The following BEX5 variants were observed in gnomAD, a reference collection of about 807,000 sequenced individuals.
The protein encoded by BEX5 is protein BEX5.
In BEX5, 2 loss-of-function variants were observed where a neutral mutation model predicts 1.4. The ratio of observed to expected loss-of-function variants is 1.42; its 90% CI spans 0.58 to 4.47. BEX5 has a LOEUF of 4.47. BEX5 is among the 30% of genes most tolerant of loss of function. BEX5 has a pLI of 0.06. For missense variants in BEX5, 97 were observed against 87.3 expected, an observed-to-expected ratio of 1.11 and a Z score of -0.44; for synonymous variants, 32 against 30.0, an observed-to-expected ratio of 1.07 and a Z score of -0.21.
Position 102,155,949 on chromosome X carries a change from C to T in BEX5, c.-195G>A, listed in dbSNP as rs1000140685. On this transcript the variant is annotated 5_prime_UTR_variant, in exon 1 of 3. The change creates a new upstream start codon in the 5' untranslated region. Coordinates refer to ENST00000333643, the MANE Select transcript of BEX5 (RefSeq NM_001012978.3). ...TTCAGGGCAACAGCGAGCCGTCACA[C>T]GGCCAGCGACAACTACCAGACTGCA... is the stretch of plus-strand genomic sequence containing the variant. 1 of 112,496 alleles carries T rather than the reference C, an allele frequency of 8.9e-6. No individual in the cohort carries two copies. Among genetic ancestry groups the T allele is most frequent in the African/African-American group, 3.2e-5 (1 of 30,926 alleles). 9.3% of individuals were successfully genotyped at this position (112,496 alleles called of 1,213,427 possible). A position where few individuals can be genotyped will look rare whatever the true frequency, so the allele number is the denominator to read the frequency against.
Position 102,153,845 on chromosome X carries a change from G to C in BEX5, c.*85C>G. The stretch of plus-strand genomic sequence containing the variant: ...AATCTCCAATCAGAAAATTGCAGAA[G>C]AATGCCAAAAGGTTCACATTAAAGG... On this transcript the variant is annotated 3_prime_UTR_variant, in exon 3 of 3. Transcript: ENST00000333643. 3.5e-6 allele frequency: 3 copies of C among 863,161 alleles called. No individual in the cohort carries two copies. The highest frequency in any genetic ancestry group is 3.0e-5 in the South Asian group (1 of 32,913). 71.1% of individuals were successfully genotyped at this position (863,161 alleles called of 1,213,427 possible).
chrX:102,155,230 G>A (rs1933238389), intron 1 of BEX5, among the ~76,000 whole-genome samples: 1 of 111,616 alleles, frequency 9.0e-6, no homozygotes, highest in Non-Finnish European at 1.9e-5. Context: ...TGGACGATGA[G>A]TGAAGAGGTA....
chrX:102,155,758 T>G (rs1933245360), intron 1 of BEX5, 101 bp downstream of exon 1: 1 of 112,459 alleles, frequency 8.9e-6, no homozygotes, highest in Non-Finnish European at 1.9e-5. Context: ...GCTCCATTTC[T>G]CGCACTAAAC....
intron 1 of BEX5, among the ~76,000 whole-genome samples, 191 bp from the exon 2 acceptor site, chrX:102,155,001 A>T (rs1933235414): frequency 9.0e-6 from 1 of 110,934 alleles, no homozygotes; most frequent in Admixed American, 9.5e-5. Context: ...TATTTCCAAA[A>T]CGTTTTAACC....
intron 1 of BEX5, 131 bp downstream of exon 1, chrX:102,155,728 G>T (rs1217085029): frequency 1.8e-5 from 2 of 112,116 alleles, no homozygotes; most frequent in Non-Finnish European, 3.8e-5. Context: ...CAGCCCCCTC[G>T]GGAGATCCTC....
Position 102,154,294 on chromosome X carries a change from T to A in BEX5, c.-29A>T. On this transcript the variant is annotated 5_prime_UTR_variant, in exon 3 of 3. Transcript: ENST00000333643. The stretch of plus-strand genomic sequence containing the variant: ...GAGTTTTTTTCCTGTTTTTTTTTTT[T>A]TTTTCTTCCTAGAAGATAAAAAGCA... 9.1e-7 allele frequency: 1 copy of A among 1,104,184 alleles called. No individual in the cohort carries two copies. The highest frequency in any genetic ancestry group is 1.9e-5 in the African/African-American group (1 of 53,162). The allele number at this position is 1,104,184 out of a possible 1,213,427, so 91.0% of individuals were successfully genotyped here.
At position 102,154,232 on chromosome X, in the gene BEX5, C is replaced by G. The variant is rs1173742442; in HGVS notation, c.34G>C (p.Glu12Gln). 8.5e-7 allele frequency: 1 copy of G among 1,179,119 alleles called. No individual in the cohort carries two copies. Among genetic ancestry groups the G allele is most frequent in the Non-Finnish European group, 1.1e-6 (1 of 879,903 alleles). The change falls in exon 3 of 3, where the codon GAG (glutamate) becomes CAG (glutamine). Residue 12 changes from glutamate (E) to glutamine (Q), a missense_variant. By Grantham distance (29) the Glu-to-Gln change is conservative. Transcript: ENST00000333643. ...ENVPKENKVV[E>Q]KAPVQNEAPA... ...GCTTCATTCTGCACTGGGGCCTTCT[C>G]CACAACTTTGTTTTCCTTGGGGACA... is the stretch of plus-strand genomic sequence containing the variant.
chrX:102,154,245 T>C lies in BEX5; in HGVS notation c.21A>G (p.Glu7=), dbSNP rs199854836. Residue 7 remains glutamate (E), a synonymous_variant, in exon 3 of 3, where the codon GAA becomes GAG. Transcript: ENST00000333643. Reference sequence around the variant, plus strand: ...CTGGGGCCTTCTCCACAACTTTGTTTTCCTTGGGGACATTTTCCATGTTGA... The same window carrying C: ...CTGGGGCCTTCTCCACAACTTTGTTCTCCTTGGGGACATTTTCCATGTTGA... MENVPK[E]NKVVEKAPVQ... is the part of the protein sequence containing the mutation. 1.2e-5 allele frequency: 14 copies of C among 1,168,672 alleles called. No homozygotes were observed. Among genetic ancestry groups the C allele is most frequent in the Non-Finnish European group, 1.6e-5 (14 of 875,829 alleles).
intron 1 of BEX5, 191 bp downstream of exon 1, chrX:102,155,668 G>A (rs1437098949): frequency 1.8e-5 from 2 of 112,072 alleles, no homozygotes; most frequent in Non-Finnish European, 3.8e-5. Flanking sequence ...ATCAGACATT[G>A]CCCGATGGCC....
rs1556369715 is a variant in BEX5, at chrX:102,154,176, C to T, written c.90G>A (p.Glu30=). The T allele has an allele frequency of 4.1e-6, 5 of 1,211,192 alleles. No individual in the cohort carries two copies. In the East Asian group the frequency reaches 8.9e-5, roughly 21 times the overall value. The change falls in exon 3 of 3, where the codon GAG becomes GAA. Residue 30 remains glutamate (E), a synonymous_variant. Transcript: ENST00000333643. ...AAACCCCTTTAACATTTCCTCCAGG[C>T]TCCTGGTATTCACCACCTCCTAAAG... The part of the protein sequence containing the change: ...APALGGGEYQ[E]PGGNVKGVWA...
intron 1 of BEX5, 158 bp downstream of exon 1, chrX:102,155,701 G>T (rs1933244634): frequency 8.9e-6 from 1 of 111,940 alleles, no homozygotes; most frequent in African/African-American, 3.2e-5. Context: ...GATCTCAAAT[G>T]GTACCCATTC....
rs938675112 is a variant in BEX5 at position 102,154,568 on chromosome X, G to A, written c.-38+176C>T. Among the ~76,000 whole-genome samples the A allele has an allele frequency of 3.9e-5, 4 of 103,080 alleles. No homozygotes were observed. In the East Asian group the frequency reaches 1.2e-3, roughly 32 times the overall value. The allele number at this position is 103,080 out of a possible 115,157, so 89.5% of individuals were successfully genotyped here. On this transcript the variant is annotated intron_variant, in intron 2 of 2. Transcript: ENST00000333643. ...GGATCCTAATAAGCTCTCCAGGAGCGCCCCAGATCTCGCCCCTCTACTCCC... is the reference window on the plus strand; with the variant it reads ...GGATCCTAATAAGCTCTCCAGGAGCACCCCAGATCTCGCCCCTCTACTCCC...
chrX:102,154,216 T>C lies in BEX5; in HGVS notation c.50A>G (p.Gln17Arg). ...ACCTCCTAAAGCGGGGGCTTCATTCTGCACTGGGGCCTTCTCCACAACTTT... is the reference window on the plus strand; with the variant it reads ...ACCTCCTAAAGCGGGGGCTTCATTCCGCACTGGGGCCTTCTCCACAACTTT... The part of the protein sequence containing the change: ...ENKVVEKAPV[Q>R]NEAPALGGGE... Residue 17 changes from glutamine to arginine, a missense_variant, in exon 3 of 3, where the codon CAG (glutamine) becomes CGG (arginine). Coordinates refer to ENST00000333643, the MANE Select transcript of BEX5 (RefSeq NM_001012978.3). 1 of 1,200,696 alleles carries C rather than the reference T, an allele frequency of 8.3e-7. No homozygotes were observed.
chrX:102,154,400 G>A (rs1556369841), intron 2 of BEX5, 98 bp from the exon 3 acceptor site: 1 of 560,513 alleles, frequency 1.8e-6, no homozygotes, highest in Non-Finnish European at 2.7e-6. Flanking sequence ...TATGAACCCT[G>A]TAGGGGGCGC....
Position 102,154,073 on chromosome X carries a change from C to T in BEX5, c.193G>A (p.Gly65Arg). The T allele has an allele frequency of 1.7e-6, 2 of 1,210,397 alleles. No individual in the cohort carries two copies. Among genetic ancestry groups the T allele is most frequent in the Non-Finnish European group, 2.2e-6 (2 of 895,262 alleles). ...TCCATGAACCGTTCCATATCATCTC[C>T]ATCTCCATCTATCATATCAATGTTA... ...VDNIDMIDGDGDDMERFMEEM... is the reference protein window; with the variant it reads ...VDNIDMIDGDRDDMERFMEEM... The change falls in exon 3 of 3, where the codon GGA becomes AGA. Residue 65 changes from glycine to arginine, a missense_variant. Transcript: ENST00000333643.
At position 102,154,068 on chromosome X, in the gene BEX5, A is replaced by G. The variant is rs782677993; in HGVS notation, c.198T>C (p.Asp66=). ...DNIDMIDGDG[D]DMERFMEEMR... is the part of the protein sequence containing the mutation. Reference sequence around the variant, plus strand: ...TCTCCTCCATGAACCGTTCCATATCATCTCCATCTCCATCTATCATATCAA... The same window carrying G: ...TCTCCTCCATGAACCGTTCCATATCGTCTCCATCTCCATCTATCATATCAA... The change falls in exon 3 of 3, where the codon GAT becomes GAC. Residue 66 remains aspartate, a synonymous_variant. Transcript: ENST00000333643. 2 of 1,206,661 alleles carry G rather than the reference A, an allele frequency of 1.7e-6. No individual in the cohort carries two copies. The highest frequency in any genetic ancestry group is 2.2e-6 in the Non-Finnish European group (2 of 894,365).
At position 102,154,202 on chromosome X, in the gene BEX5, C is replaced by T; in HGVS notation, c.64G>A (p.Ala22Thr). Residue 22 changes from alanine to threonine, a missense_variant, in exon 3 of 3, where the codon GCT (alanine) becomes ACT (threonine). By Grantham distance (58) the Ala-to-Thr change is moderately conservative. Transcript: ENST00000333643. ...TCCTGGTATTCACCACCTCCTAAAG[C>T]GGGGGCTTCATTCTGCACTGGGGCC... ...EKAPVQNEAP[A>T]LGGGEYQEPG... The T allele has an allele frequency of 8.3e-7, 1 of 1,209,465 alleles. No individual in the cohort carries two copies. Among genetic ancestry groups the T allele is most frequent in the South Asian group, 1.8e-5 (1 of 56,677 alleles).
In BEX5 at chrX:102,153,837, T is replaced by C. The variant is rs923063745; in HGVS notation, c.*93A>G. ...CAAAATGCAATCTCCAATCAGAAAATTGCAGAAGAATGCCAAAAGGTTCAC... is the reference window on the plus strand; with the variant it reads ...CAAAATGCAATCTCCAATCAGAAAACTGCAGAAGAATGCCAAAAGGTTCAC... On this transcript the variant is annotated 3_prime_UTR_variant, in exon 3 of 3. Coordinates refer to ENST00000333643, the MANE Select transcript of BEX5 (RefSeq NM_001012978.3). 1.1e-5 allele frequency: 9 copies of C among 794,466 alleles called. No homozygotes were observed. Among genetic ancestry groups the C allele is most frequent in the Non-Finnish European group, 1.6e-5 (9 of 563,829 alleles). 65.5% of individuals were successfully genotyped at this position (794,466 alleles called of 1,213,427 possible).
At position 102,154,141 on chromosome X, in the gene BEX5, G is replaced by T. The variant is rs781784723; in HGVS notation, c.125C>A (p.Pro42His). 33 of 1,208,160 alleles carry T rather than the reference G, an allele frequency of 2.7e-5. No homozygotes were observed. In the East Asian group the frequency reaches 9.8e-4, roughly 36 times the overall value. Residue 42 changes from proline to histidine, a missense_variant, in exon 3 of 3, where the codon CCT (proline) becomes CAT (histidine). Coordinates refer to ENST00000333643, the MANE Select transcript of BEX5 (RefSeq NM_001012978.3). The part of the protein sequence containing the change: ...GGNVKGVWAP[P>H]APGFGEDVPN... ...CACATCCTCTCCAAAACCCGGGGCA[G>T]GTGGAGCCCAAACCCCTTTAACATT...
Sources: gnomAD v4.1 joint callset for allele counts (sites outside exome capture counted in the v4.1 genomes callset) on GRCh38, gnomAD v4.1.1 for gene constraint, MANE v1.5 for transcripts, NCBI Gene and HGNC (gene_info 2026-07-23, HGNC 2026-07-21) for gene names.